OTUD6B: variants seen among roughly 807,000 people sequenced by gnomAD.
OTUD6B encodes OTU deubiquitinase 6B.
OTUD6B carries 41 observed loss-of-function variants against 36.9 expected under a neutral mutation model. The observed-to-expected ratio is 1.11, with a 90% CI of 0.87 to 1.44. The LOEUF (loss-of-function observed/expected upper bound fraction) is 1.44, where lower values mean the gene tolerates loss of function less well. OTUD6B is among the 40% of genes most tolerant of loss of function. OTUD6B has a pLI of 0.00. For missense variants in OTUD6B, 356 were observed against 344.8 expected (o/e 1.03, Z -0.26); for synonymous variants, 114 against 114.2 (o/e 1.00, Z 0.01).
chr8:91,086,588 G>GAAACCCA lies in OTUD6B; in HGVS notation c.*1720_*1721insAAACCCA, dbSNP rs1813019598. On this transcript the variant is annotated 3_prime_UTR_variant, in exon 7 of 7. Coordinates refer to ENST00000404789, the MANE Select transcript of OTUD6B (RefSeq NM_016023.5). ...TATTATGAAACCCAGTATTATAAAT[G>GAAACCCA]TTATCTACATCTAAAGTATTTTAAA... is the stretch of plus-strand genomic sequence containing the variant. The GAAACCCA allele has an allele frequency of 6.6e-6, 1 of 152,006 alleles. No homozygotes were observed. The highest frequency in any genetic ancestry group is 1.5e-5 in the Non-Finnish European group (1 of 67,950). 9.4% of individuals were successfully genotyped at this position (152,006 alleles called of 1,614,324 possible). A position where few individuals can be genotyped will look rare whatever the true frequency, so the allele number is the denominator to read the frequency against.
intron 3 of OTUD6B, among the ~76,000 whole-genome samples, 187 bp downstream of exon 3, chr8:91,074,098 G>A (rs1812757641): frequency 6.6e-6 from 1 of 152,106 alleles, no homozygotes; most frequent in Non-Finnish European, 1.5e-5. Flanking sequence ...CTGCTTATAT[G>A]ACATCTCATT....
rs1812982710 is a variant in OTUD6B, at chr8:91,084,886, A to C, written c.*18A>C. ...GCAGCTAATTTATACAATGTTGTACAATTATGTTTTAATACAGTGTGCTGA... is the reference window on the plus strand; with the variant it reads ...GCAGCTAATTTATACAATGTTGTACCATTATGTTTTAATACAGTGTGCTGA... On this transcript the variant is annotated 3_prime_UTR_variant, in exon 7 of 7. Transcript: ENST00000404789. 1 of 1,318,522 alleles carries C rather than the reference A, an allele frequency of 7.6e-7. No individual in the cohort carries two copies. Among genetic ancestry groups the C allele is most frequent in the Non-Finnish European group, 1.1e-6 (1 of 938,766 alleles). The allele number at this position is 1,318,522 out of a possible 1,614,324, so 81.7% of individuals were successfully genotyped here.
chr8:91,072,560 A>G (rs1253379910), intron 2 of OTUD6B, among the ~76,000 whole-genome samples: 8 of 152,186 alleles, frequency 5.3e-5, no homozygotes, highest in Non-Finnish European at 1.2e-4. Context: ...TGTGCTTTTT[A>G]TAATGGTCCT....
chr8:91,078,763 A>G, intron 4 of OTUD6B, 95 bp downstream of exon 4: 1 of 686,618 alleles, frequency 1.5e-6, no homozygotes, highest in Non-Finnish European at 2.3e-6. Flanking sequence ...AAGAACCCAG[A>G]TGATCCTTAT....
rs1197240063 is a variant in OTUD6B, at chr8:91,070,475, G to C, written c.82+9G>C. ...GAAGAAGGAGTTGCAAGGTGAGGCGGAAGGAAGTGGGAATCTGGAAGCCGC... is the reference window on the plus strand; with the variant it reads ...GAAGAAGGAGTTGCAAGGTGAGGCGCAAGGAAGTGGGAATCTGGAAGCCGC... On this transcript the variant is annotated intron_variant, in intron 1 of 6. Transcript: ENST00000404789. 6.4e-7 allele frequency: 1 copy of C among 1,558,290 alleles called. No homozygotes were observed. Among genetic ancestry groups the C allele is most frequent in the African/African-American group, 1.4e-5 (1 of 73,354 alleles).
chr8:91,083,887 G>T lies in OTUD6B; in HGVS notation c.691-121G>T, dbSNP rs903319772. The T allele has an allele frequency of 5.9e-6, 7 of 1,187,534 alleles. No homozygotes were observed. The African/African-American group carries it at 1.1e-4, about 19-fold the overall frequency. 73.6% of individuals were successfully genotyped at this position (1,187,534 alleles called of 1,614,324 possible). A position where few individuals can be genotyped will look rare whatever the true frequency, so the allele number is the denominator to read the frequency against. On this transcript the variant is annotated intron_variant, in intron 5 of 6. Coordinates refer to ENST00000404789, the MANE Select transcript of OTUD6B (RefSeq NM_016023.5). ...TTTATTAAGTGCCCAGTATATACCAGGCTCTCTGTGTACAGTGGTGAACAC... is the reference window on the plus strand; with the variant it reads ...TTTATTAAGTGCCCAGTATATACCATGCTCTCTGTGTACAGTGGTGAACAC...
At position 91,071,300 on chromosome 8, in the gene OTUD6B, T is replaced by C. The variant is rs1346816073; in HGVS notation, c.234+11T>C. On this transcript the variant is annotated intron_variant, in intron 2 of 6. Transcript: ENST00000404789. ...ACTAAGGAGAATAAGGTATGTGAAA[T>C]AAATGTTTGTCGTTGCCTACACCAT... 5 of 1,599,542 alleles carry C rather than the reference T, an allele frequency of 3.1e-6. No homozygotes were observed. Among genetic ancestry groups the C allele is most frequent in the Non-Finnish European group, 4.3e-6 (5 of 1,174,428 alleles).
At chr8:91,075,879 G>C (rs944954787) in intron 3 of OTUD6B, among the ~76,000 whole-genome samples, 1 of 152,058 alleles carries the variant, frequency 6.6e-6, no homozygotes, top group Non-Finnish European at 1.5e-5. Context: ...AGAAAAACGT[G>C]ATAAAACTTT....
chr8:91,082,575 G>T (rs904957753), intron 5 of OTUD6B, among the ~76,000 whole-genome samples: 16 of 151,886 alleles, frequency 1.1e-4, no homozygotes, highest in African/African-American at 3.6e-4. Flanking sequence ...GCCCAGGCTG[G>T]TCTCGAACGC....
In OTUD6B at chr8:91,080,719, G is replaced by T; in HGVS notation, c.679G>T (p.Gly227Cys). 1 of 1,601,320 alleles carries T rather than the reference G, an allele frequency of 6.2e-7. No individual in the cohort carries two copies. Among genetic ancestry groups the T allele is most frequent in the Non-Finnish European group, 8.5e-7 (1 of 1,172,904 alleles). The change falls in exon 5 of 7, where the codon GGT becomes TGT. Residue 227 changes from glycine to cysteine, a missense_variant. Transcript: ENST00000404789. ...TATTGTAAACACAGCTGCATGGGGA[G>T]GTCAGCTTGAGGTAAGTTTGTAGTT... is the stretch of plus-strand genomic sequence containing the variant. ...EDIVNTAAWG[G>C]QLELRALSHI...
intron 6 of OTUD6B, 67 bp from the exon 7 acceptor site, chr8:91,084,717 T>A: frequency 8.0e-7 from 1 of 1,251,328 alleles, no homozygotes; most frequent in Non-Finnish European, 1.0e-6. Flanking sequence ...ATATATATAA[T>A]AAGCATATAT....
intron 3 of OTUD6B, among the ~76,000 whole-genome samples, chr8:91,074,801 C>A (rs144533375): frequency 0.011 from 1,685 of 152,056 alleles, 14 homozygotes; most frequent in South Asian, 0.034. Flanking sequence ...TTTAGTAGAG[C>A]ATGGAGTTTA....
At chr8:91,081,536 A>G (rs1039180816) in intron 5 of OTUD6B, among the ~76,000 whole-genome samples, 3 of 151,498 alleles carry the variant, frequency 2.0e-5, no homozygotes, top group African/African-American at 7.3e-5. Flanking sequence ...CCCAAGCTTG[A>G]GTTTCTTGAT....
At chr8:91,083,901 A>G in intron 5 of OTUD6B, 107 bp from the exon 6 acceptor site, 1 of 1,382,924 alleles carries the variant, frequency 7.2e-7, no homozygotes, top group Non-Finnish European at 9.7e-7. Context: ...CTCTGTGTAC[A>G]GTGGTGAACA....
At chr8:91,071,337 T>G in intron 2 of OTUD6B, 48 bp downstream of exon 2, 7 of 1,396,254 alleles carry the variant, frequency 5.0e-6, no homozygotes, top group Non-Finnish European at 4.9e-6. Context: ...TGAAAACAGC[T>G]GTCCACTTCT....
At chr8:91,084,629 A>G (rs1342965803) in intron 6 of OTUD6B, 155 bp from the exon 7 acceptor site, 1 of 604,836 alleles carries the variant, frequency 1.7e-6, no homozygotes, top group Middle Eastern at 8.3e-4. Context: ...ATGGTGTTGA[A>G]CTCTTAATTA....
chr8:91,075,616 T>TAA (rs1812790083), intron 3 of OTUD6B, among the ~76,000 whole-genome samples: 1 of 152,102 alleles, frequency 6.6e-6, no homozygotes, highest in African/African-American at 2.4e-5. Context: ...TCAAACCATT[T>TAA]AGTATCTTTT....
chr8:91,072,995 T>A (rs1237888398), intron 2 of OTUD6B, among the ~76,000 whole-genome samples: 1 of 152,218 alleles, frequency 6.6e-6, no homozygotes, highest in Non-Finnish European at 1.5e-5. Context: ...TCAATATAGA[T>A]GTTTGTAAAT....
At chr8:91,078,183 G>C (rs1330202291) in intron 3 of OTUD6B, 173 bp from the exon 4 acceptor site, 1 of 861,780 alleles carries the variant, frequency 1.2e-6, no homozygotes, top group Non-Finnish European at 1.4e-6. Context: ...GAGTAAGAGA[G>C]TAAGGAGCTC....
Sources: gnomAD v4.1 joint callset for allele counts (sites outside exome capture counted in the v4.1 genomes callset) on GRCh38, gnomAD v4.1.1 for gene constraint, MANE v1.5 for transcripts, NCBI Gene and HGNC (gene_info 2026-07-23, HGNC 2026-07-21) for gene names.